PTPRK: variants seen among roughly 807,000 people sequenced by gnomAD.
The protein encoded by PTPRK is protein tyrosine phosphatase receptor type K, also known as receptor-type tyrosine-protein phosphatase kappa.
A neutral mutation model predicts 178.0 loss-of-function variants in PTPRK; 75 were observed. The observed-to-expected ratio is 0.42, with a 90% CI of 0.35 to 0.51. PTPRK has a LOEUF of 0.51. Ranked by LOEUF, PTPRK falls within the 20% of genes least tolerant of loss-of-function variation. The pLI is 0.02. For synonymous variants in PTPRK, 637 were observed against 620.6 expected (o/e 1.03, Z -0.39); for missense variants, 1,441 against 1,797.8 (o/e 0.80, Z 3.59).
intron 3 of PTPRK, among the ~76,000 whole-genome samples, chr6:128,277,203 C>T (rs188661407): frequency 9.9e-5 from 15 of 151,802 alleles, no homozygotes; most frequent in East Asian, 1.9e-4. Context: ...AAACATTGAA[C>T]GTTTAACTTG....
At chr6:128,212,233 G>A (rs933483523) in intron 6 of PTPRK, among the ~76,000 whole-genome samples, 1 of 151,776 alleles carries the variant, frequency 6.6e-6, no homozygotes. Flanking sequence ...CTATGTATGC[G>A]ATTTTTTTGG....
chr6:128,279,992 T>C (rs1056414193), intron 3 of PTPRK, among the ~76,000 whole-genome samples: 7 of 152,178 alleles, frequency 4.6e-5, no homozygotes, highest in African/African-American at 1.2e-4. Flanking sequence ...TGCATGTGTG[T>C]ATATGAATTG....
chr6:128,202,467 C>A (rs534470062), intron 6 of PTPRK, among the ~76,000 whole-genome samples: 1 of 152,114 alleles, frequency 6.6e-6, no homozygotes, highest in African/African-American at 2.4e-5. Context: ...ACTCTGGACC[C>A]GGGATTCCCA....
intron 16 of PTPRK, 54 bp from the exon 17 acceptor site, chr6:127,997,042 G>T: frequency 6.4e-7 from 1 of 1,557,192 alleles, no homozygotes. Context: ...TTAAAAATCA[G>T]GTTTATCTGT....
chr6:128,432,166 A>G (rs1292080084), intron 1 of PTPRK, among the ~76,000 whole-genome samples: 1 of 152,252 alleles, frequency 6.6e-6, no homozygotes. Flanking sequence ...CAGAAAATCA[A>G]AAACCCCAAT....
chr6:128,184,789 TCTAATAAGGCC>T, intron 6 of PTPRK, 64 bp from the exon 7 acceptor site: 1 of 1,462,354 alleles, frequency 6.8e-7, no homozygotes, highest in Non-Finnish European at 9.3e-7. Flanking sequence ...TATATTAGTG[TCTAATAAGGCC>T]TAAATGCTTA....
chr6:128,315,885 G>A (rs767751843), intron 3 of PTPRK, among the ~76,000 whole-genome samples: 36 of 152,110 alleles, frequency 2.4e-4, no homozygotes, highest in Non-Finnish European at 5.9e-5. Context: ...ACACACTGAA[G>A]TGAAGAAAAA....
intron 2 of PTPRK, among the ~76,000 whole-genome samples, chr6:128,375,058 C>CATTATTATTATTATT (rs58185524): frequency 9.8e-5 from 13 of 132,286 alleles, no homozygotes; most frequent in South Asian, 2.5e-4. Flanking sequence ...AGAAACACTG[C>CATTATTATTATTATT]ATTATTATTA....
chr6:128,112,008 T>C (rs1310603946), intron 7 of PTPRK, among the ~76,000 whole-genome samples: 1 of 152,022 alleles, frequency 6.6e-6, no homozygotes, highest in Non-Finnish European at 1.5e-5. Flanking sequence ...AAAAAGGTTT[T>C]ACAGCTTTCA....
At chr6:128,201,965 T>C (rs1806039454) in intron 6 of PTPRK, among the ~76,000 whole-genome samples, 1 of 152,130 alleles carries the variant, frequency 6.6e-6, no homozygotes. Context: ...AAGACTAGTA[T>C]TAATAAAATT....
At chr6:128,221,218 T>C (rs1810337842) in intron 5 of PTPRK, among the ~76,000 whole-genome samples, 2 of 152,158 alleles carry the variant, frequency 1.3e-5, no homozygotes, top group Admixed American at 6.5e-5. Context: ...GGATACTCTA[T>C]TGCTTTAATA....
At chr6:128,417,154 C>T (rs1842943658) in intron 1 of PTPRK, among the ~76,000 whole-genome samples, 1 of 151,670 alleles carries the variant, frequency 6.6e-6, no homozygotes, top group African/African-American at 2.4e-5. Context: ...GAAAGTAATT[C>T]CTTTTTTTTC....
At chr6:128,068,873 G>A (rs1354841353) in intron 11 of PTPRK, among the ~76,000 whole-genome samples, 1 of 151,634 alleles carries the variant, frequency 6.6e-6, no homozygotes, top group Admixed American at 6.6e-5. Flanking sequence ...TGGATCTCCA[G>A]GAGGAACAGA....
chr6:128,005,983 C>A, intron 14 of PTPRK: 1 of 1,451,292 alleles, frequency 6.9e-7, no homozygotes, highest in African/African-American at 1.4e-5. Flanking sequence ...GATACTGCAT[C>A]CTTAACACAC....
intron 11 of PTPRK, among the ~76,000 whole-genome samples, chr6:128,072,933 A>G (rs1314141320): frequency 6.6e-6 from 1 of 152,086 alleles, no homozygotes; most frequent in Non-Finnish European, 1.5e-5. Flanking sequence ...TATCAGAACC[A>G]TAAATGGTAT....
chr6:128,015,337 C>T (rs552661812), intron 13 of PTPRK, among the ~76,000 whole-genome samples: 1 of 151,792 alleles, frequency 6.6e-6, no homozygotes. Flanking sequence ...CATCAAGCTT[C>T]CCACTAAATT....
At chr6:128,395,977 A>C (rs1033210406) in intron 2 of PTPRK, among the ~76,000 whole-genome samples, 5 of 152,158 alleles carry the variant, frequency 3.3e-5, no homozygotes, top group Non-Finnish European at 7.4e-5. Flanking sequence ...ACAAACTAAA[A>C]ATTACATTTA....
At chr6:128,502,058 G>C (rs1285396204) in intron 1 of PTPRK, among the ~76,000 whole-genome samples, 1 of 152,132 alleles carries the variant, frequency 6.6e-6, no homozygotes, top group Non-Finnish European at 1.5e-5. Flanking sequence ...CGGGAGGTTT[G>C]TTAGTACAAA....
intron 3 of PTPRK, among the ~76,000 whole-genome samples, chr6:128,287,956 CA>C (rs1408353783): frequency 6.6e-6 from 1 of 152,116 alleles, no homozygotes. Context: ...TCTTCTTATC[CA>C]ATTTTCTACT....
Sources: allele counts gnomAD v4.1 joint callset (sites outside exome capture counted in the v4.1 genomes callset), GRCh38; gene constraint gnomAD v4.1.1; transcripts MANE v1.5; gene names NCBI Gene and HGNC (gene_info 2026-07-23, HGNC 2026-07-21).